Variants in SYT7 observed in about 807,000 individuals in gnomAD.
SYT7 encodes the protein synaptotagmin 7.
Under a neutral mutation model 75.1 loss-of-function variants are expected in SYT7, and 29 were observed. That is an observed-to-expected ratio of 0.39 (90% CI 0.29 to 0.53). The LOEUF (loss-of-function observed/expected upper bound fraction) is 0.53, where lower values mean the gene tolerates loss of function less well. SYT7 is among the 20% of genes least tolerant of loss of function. The pLI, the probability that SYT7 is intolerant of heterozygous loss-of-function variation, is 0.77. For synonymous variants in SYT7, 376 were observed against 401.7 expected, an observed-to-expected ratio of 0.94 and a Z score of 0.76; for missense variants, 693 against 953.2, an observed-to-expected ratio of 0.73 and a Z score of 3.59.
Position 61,516,062 on chromosome 11 carries a change from G to C in SYT7, c.*2565C>G, listed in dbSNP as rs1391439380. 6.6e-6 allele frequency: 1 copy of C among 152,514 alleles called. No individual in the cohort carries two copies. The highest frequency in any genetic ancestry group is 1.9e-4 in the East Asian group (1 of 5,160). 9.4% of individuals were successfully genotyped at this position (152,514 alleles called of 1,614,324 possible). On this transcript the variant is annotated 3_prime_UTR_variant, in exon 13 of 13. Transcript: ENST00000539008. This position sits in a 1 kb window ranked among gnomAD's most constrained non-coding sequence, Gnocchi z 4.6. ...AGATGGGGAAACCGAGGCCCAGGGA[G>C]TGCGGGTGACTTGCCCAAAGTCCTG...
In SYT7 at chr11:61,523,959, AG is replaced by A; in HGVS notation, c.1642-19del. 1 of 1,611,456 alleles carries A rather than the reference AG, an allele frequency of 6.2e-7. No individual in the cohort carries two copies. The highest frequency in any genetic ancestry group is 8.5e-7 in the Non-Finnish European group (1 of 1,177,718). On this transcript the variant is annotated intron_variant, in intron 10 of 12. Coordinates refer to ENST00000539008, the MANE Select transcript of SYT7 (RefSeq NM_001365809.2). This position sits in a 1 kb window ranked among gnomAD's most constrained non-coding sequence, Gnocchi z 5.0. ...CGGCTCCCCTGGGAGGCACGACAGG[AG>A]GGGTGTGGGGAACTAGGCTAGCAGA...
At chr11:61,582,543 C>T (rs921238512), upstream of SYT7, among the ~76,000 whole-genome samples, 1 of 152,182 alleles carries the variant, frequency 6.6e-6, no homozygotes, top group South Asian at 2.1e-4. Context: ...ACATTCACCT[C>T]CACCTACAGC....
At chr11:61,537,354 C>A (rs576394594) in intron 7 of SYT7, among the ~76,000 whole-genome samples, 32 of 151,174 alleles carry the variant, frequency 2.1e-4, no homozygotes, top group African/African-American at 7.0e-4. Flanking sequence ...CTCCCTGAGA[C>A]GGAGACAGTA....
chr11:61,528,225 T>C (rs1428476679), intron 8 of SYT7, 40 bp from the exon 9 acceptor site: 1 of 1,597,234 alleles, frequency 6.3e-7, no homozygotes, highest in Admixed American at 1.7e-5. Context: ...TGGGGAGGAT[T>C]CTGCTTCCCC....
intron 6 of SYT7, 106 bp from the exon 7 acceptor site, chr11:61,538,372 AG>A: frequency 1.1e-6 from 1 of 893,016 alleles, no homozygotes; most frequent in Non-Finnish European, 1.6e-6. Flanking sequence ...AGAGAGAGAG[AG>A]AGAGAGAGAG....
chr11:61,536,261 G>A (rs914437885), intron 7 of SYT7, among the ~76,000 whole-genome samples: 2 of 152,208 alleles, frequency 1.3e-5, no homozygotes, highest in African/African-American at 4.8e-5. Context: ...CAGAAGGGAT[G>A]GGTGTGTTAA....
intron 6 of SYT7, chr11:61,541,382 GGGCAGATGTCCAGAGAGATGCT>G: frequency 1.1e-6 from 1 of 881,646 alleles, no homozygotes; most frequent in Non-Finnish European, 1.4e-6. Context: ...TGAGAGTGGG[GGGCAGATGTCCAGAGAGATGCT>G]GGGGAGGGGG....
Position 61,532,973 on chromosome 11 carries a change from G to C in SYT7, c.1200+16C>G, listed in dbSNP as rs748967583. ...AGCCCAGTTCCTTGGAGCAGCGCAG[G>C]CTCCCTCATTCTCACCATGAGCATC... is the stretch of plus-strand genomic sequence containing the variant. On this transcript the variant is annotated intron_variant, in intron 8 of 12. Coordinates refer to ENST00000539008, the MANE Select transcript of SYT7 (RefSeq NM_001365809.2). 6.2e-7 allele frequency: 1 copy of C among 1,612,186 alleles called. No homozygotes were observed. Among genetic ancestry groups the C allele is most frequent in the East Asian group, 2.2e-5 (1 of 44,874 alleles).
At chr11:61,535,509 C>T (rs1248849868) in intron 7 of SYT7, among the ~76,000 whole-genome samples, 2 of 152,180 alleles carry the variant, frequency 1.3e-5, no homozygotes, top group African/African-American at 4.8e-5. Flanking sequence ...GTGGAATGGG[C>T]GCAGCAGGGC....
upstream of SYT7, among the ~76,000 whole-genome samples, chr11:61,582,079 C>T (rs537421612): frequency 6.8e-6 from 1 of 146,622 alleles, no homozygotes; most frequent in Admixed American, 6.6e-5. Flanking sequence ...CACGTAATCA[C>T]CTACATACAC....
At position 61,514,838 on chromosome 11, in the gene SYT7, A is replaced by T. The variant is rs1172867837; in HGVS notation, c.*3789T>A. Reference sequence around the variant, plus strand: ...GGTCCAGCCAACAGACACAGAGCTCATTGTCTTTCCTTTTCCCACCTCAGG... The same window carrying T: ...GGTCCAGCCAACAGACACAGAGCTCTTTGTCTTTCCTTTTCCCACCTCAGG... On this transcript the variant is annotated 3_prime_UTR_variant, in exon 13 of 13. Transcript: ENST00000539008. Among the ~76,000 whole-genome samples, 1 of 152,140 alleles carries T rather than the reference A, an allele frequency of 6.6e-6. No individual in the cohort carries two copies. Among genetic ancestry groups the T allele is most frequent in the Non-Finnish European group, 1.5e-5 (1 of 68,006 alleles).
At chr11:61,560,553 C>T (rs1230661996) in intron 1 of SYT7, among the ~76,000 whole-genome samples, 1 of 152,156 alleles carries the variant, frequency 6.6e-6, no homozygotes, top group Admixed American at 6.5e-5. Flanking sequence ...TCGGACAGCC[C>T]TCAAAGGCAG....
intron 8 of SYT7, chr11:61,530,851 A>C (rs1195478913): frequency 2.0e-6 from 2 of 985,268 alleles, no homozygotes; most frequent in African/African-American, 3.5e-5. Flanking sequence ...GCTGGGACAG[A>C]GCCATCTCTG....
At position 61,533,556 on chromosome 11, in the gene SYT7, T is replaced by C. The variant is rs941970497; in HGVS notation, c.1065-432A>G. 1.1e-4 allele frequency: 107 copies of C among 985,282 alleles called. No individual in the cohort carries two copies. In the African/African-American group the frequency reaches 1.8e-3, roughly 17 times the overall value. 61.0% of individuals were successfully genotyped at this position (985,282 alleles called of 1,614,324 possible). ...TGTGTCCAGGTGCCTCTCCGCGTCA[T>C]TACCCTCTGCAAACACGCCCAGAAT... On this transcript the variant is annotated intron_variant, in intron 7 of 12. Transcript: ENST00000539008.
chr11:61,528,058 T>C lies in SYT7; in HGVS notation c.1328A>G (p.Gln443Arg), dbSNP rs1392094348. Residue 443 changes from glutamine to arginine, a missense_variant, in exon 9 of 13, where the codon CAG becomes CGG. Gln to Arg is a conservative substitution (Grantham distance 43). This residue lies in a region of SYT7 where 206 missense variants were observed against 360.0 expected (regional missense o/e 0.57). Transcript: ENST00000539008. Reference sequence around the variant, plus strand: ...GCTGAAGTCCTTGGCCGGCAGCTCCTGGGCCTTCATGATCTTCACGGTGAG... The same window carrying C: ...GCTGAAGTCCTTGGCCGGCAGCTCCCGGGCCTTCATGATCTTCACGGTGAG... ...STLTVKIMKA[Q>R]ELPAKDFSGT... 2 of 1,613,950 alleles carry C rather than the reference T, an allele frequency of 1.2e-6. No homozygotes were observed. The highest frequency in any genetic ancestry group is 1.7e-6 in the Non-Finnish European group (2 of 1,180,036).
chr11:61,577,299 C>T (rs535258800), intron 1 of SYT7, among the ~76,000 whole-genome samples: 25 of 152,350 alleles, frequency 1.6e-4, no homozygotes, highest in Middle Eastern at 6.8e-3. Context: ...GGAGATCATT[C>T]GATCTTCAGT....
intron 1 of SYT7, among the ~76,000 whole-genome samples, chr11:61,572,562 G>A (rs541912625): frequency 5.3e-5 from 8 of 152,172 alleles, no homozygotes; most frequent in South Asian, 4.1e-4. Context: ...CTGAGTCTCC[G>A]TTTCCTCATT....
rs1488266008 is a variant in SYT7 at position 61,542,396 on chromosome 11, C to A, written c.756G>T (p.Leu252=). ...QPTTSQSLGQ[L]QAHMASAPGP... is the part of the protein sequence containing the mutation. ...CTGGTGCCGAGGCCATGTGGGCCTG[C>A]AGCTGGCCCAGGCTCTGGCTGGTGG... The change falls in exon 6 of 13, where the codon CTG becomes CTT. Residue 252 remains leucine, a synonymous_variant. Coordinates refer to ENST00000539008, the MANE Select transcript of SYT7 (RefSeq NM_001365809.2). The surrounding 1 kb of genome is among the most constrained non-coding windows in gnomAD (Gnocchi z 7.8). 6.5e-7 allele frequency: 1 copy of A among 1,531,582 alleles called. No homozygotes were observed. The highest frequency in any genetic ancestry group is 8.7e-7 in the Non-Finnish European group (1 of 1,145,158). The allele number at this position is 1,531,582 out of a possible 1,614,324, so 94.9% of individuals were successfully genotyped here.
intron 7 of SYT7, among the ~76,000 whole-genome samples, chr11:61,534,831 G>A (rs1398785419): frequency 2.0e-5 from 3 of 148,138 alleles, no homozygotes; most frequent in East Asian, 4.0e-4. Context: ...ATGTGGACAC[G>A]CACGCACCAC....
Sources: allele counts gnomAD v4.1 joint callset (sites outside exome capture counted in the v4.1 genomes callset), GRCh38; gene constraint gnomAD v4.1.1; regional missense constraint gnomAD v4.1.1; non-coding constraint Gnocchi (gnomAD v3.1); transcripts MANE v1.5; gene names NCBI Gene and HGNC (gene_info 2026-07-23, HGNC 2026-07-21).